Variants in TMEM220 observed in about 807,000 individuals in gnomAD.
The protein encoded by TMEM220 is transmembrane protein 220.
A neutral mutation model predicts 21.7 loss-of-function variants in TMEM220; 21 were observed. The ratio of observed to expected loss-of-function variants is 0.97; its 90% CI spans 0.69 to 1.39. The LOEUF is 1.39. TMEM220 is among the 40% of genes most tolerant of loss of function. The pLI is 0.00. For missense variants in TMEM220, 191 were observed against 201.9 expected (o/e 0.95, Z 0.33); for synonymous variants, 80 against 73.6 (o/e 1.09, Z -0.45).
At chr17:10,712,188 C>T (rs1399780266), downstream of TMEM220, among the ~76,000 whole-genome samples, 1 of 152,224 alleles carries the variant, frequency 6.6e-6, no homozygotes, top group Non-Finnish European at 1.5e-5. Context: ...GTACTTCTTG[C>T]ATTCTGTGGC....
intron 5 of TMEM220, among the ~76,000 whole-genome samples, chr17:10,722,016 G>A (rs2074998762): frequency 6.9e-6 from 1 of 144,120 alleles, no homozygotes; most frequent in African/African-American, 2.6e-5. Context: ...TTTTTGAGAT[G>A]CAGTCCTGCT....
At chr17:10,723,052 C>T (rs1168136609) in intron 5 of TMEM220, among the ~76,000 whole-genome samples, 1 of 148,712 alleles carries the variant, frequency 6.7e-6, no homozygotes, top group African/African-American at 2.5e-5. Flanking sequence ...ACAGTCTTGG[C>T]TCACTGCAAC....
At chr17:10,723,368 A>T (rs755662303) in intron 4 of TMEM220, 39 bp from the exon 5 acceptor site, 7 of 1,530,608 alleles carry the variant, frequency 4.6e-6, no homozygotes, top group Non-Finnish European at 6.3e-6. Context: ...GGAAGTGGCT[A>T]CAAGTGAGAT....
At chr17:10,728,467 G>C (rs1350831883) in intron 2 of TMEM220, among the ~76,000 whole-genome samples, 1 of 151,814 alleles carries the variant, frequency 6.6e-6, no homozygotes, top group African/African-American at 2.4e-5. Context: ...ATGCCACCAC[G>C]CCTGGCTAAT....
chr17:10,728,314 C>CTTT (rs202039505), intron 2 of TMEM220, among the ~76,000 whole-genome samples: 2 of 130,674 alleles, frequency 1.5e-5, no homozygotes, highest in Admixed American at 8.0e-5. Flanking sequence ...TTTTTCTTTG[C>CTTT]TTTTTTTTTT....
At chr17:10,716,024 G>A in intron 5 of TMEM220, 1 of 518,942 alleles carries the variant, frequency 1.9e-6, no homozygotes, top group South Asian at 1.8e-5. Flanking sequence ...CTTGATAATG[G>A]TAATTAAAAA....
At chr17:10,729,408 G>T (rs2075093332) in intron 1 of TMEM220, among the ~76,000 whole-genome samples, 1 of 152,140 alleles carries the variant, frequency 6.6e-6, no homozygotes, top group Admixed American at 6.5e-5. Flanking sequence ...CGACTAAAAA[G>T]TTTAATGATG....
chr17:10,719,676 T>G (rs963377522), intron 5 of TMEM220, among the ~76,000 whole-genome samples: 1 of 152,150 alleles, frequency 6.6e-6, no homozygotes, highest in Non-Finnish European at 1.5e-5. Context: ...GAGAGAAGGT[T>G]TTCCTAACTA....
chr17:10,729,717 C>G, intron 1 of TMEM220, 63 bp downstream of exon 1: 2 of 1,289,610 alleles, frequency 1.6e-6, no homozygotes, highest in South Asian at 4.1e-5. Flanking sequence ...GTTACACGGC[C>G]CGCTAGGCCA....
chr17:10,723,520 G>A (rs2075016828), intron 4 of TMEM220, among the ~76,000 whole-genome samples, 191 bp from the exon 5 acceptor site: 1 of 152,098 alleles, frequency 6.6e-6, no homozygotes, highest in Non-Finnish European at 1.5e-5. Context: ...AGAATTTAAA[G>A]CCTCATATGA....
rs951407834 is a variant in TMEM220, at chr17:10,715,528, A to C, written c.408T>G (p.Phe136Leu). The change falls in exon 6 of 6, where the codon TTT becomes TTG. Residue 136 changes from phenylalanine (F) to leucine (L), a missense_variant. Physicochemically the swap from Phe to Leu is conservative, Grantham distance 22. Transcript: ENST00000341871. ...TAATATATATGTAGACCCATGAGATAAATGGGAAAAGTGTGATTACAATGG... is the reference window on the plus strand; with the variant it reads ...TAATATATATGTAGACCCATGAGATCAATGGGAAAAGTGTGATTACAATGG... ...AIAIVITLFP[F>L]ISWVYIYINK... 7 of 1,605,770 alleles carry C rather than the reference A, an allele frequency of 4.4e-6. No individual in the cohort carries two copies. The highest frequency in any genetic ancestry group is 5.1e-6 in the Non-Finnish European group (6 of 1,177,840).
At chr17:10,726,806 T>C (rs1030686340) in intron 2 of TMEM220, among the ~76,000 whole-genome samples, 2 of 152,166 alleles carry the variant, frequency 1.3e-5, no homozygotes, top group African/African-American at 4.8e-5. Context: ...CTGATAAGTG[T>C]TTGGAAATGA....
At chr17:10,723,464 G>A in intron 4 of TMEM220, 135 bp from the exon 5 acceptor site, 2 of 691,324 alleles carry the variant, frequency 2.9e-6, no homozygotes, top group Non-Finnish European at 5.3e-6. Context: ...TGGCATCGAT[G>A]GAATATTTTC....
At chr17:10,729,593 A>G (rs1001443994) in intron 1 of TMEM220, among the ~76,000 whole-genome samples, 187 bp downstream of exon 1, 3 of 152,266 alleles carry the variant, frequency 2.0e-5, no homozygotes, top group Admixed American at 2.0e-4. Flanking sequence ...ACTCGCTTCC[A>G]TGAACACATC....
Position 10,729,946 on chromosome 17 carries a change from A to G in TMEM220, c.-95T>C, listed in dbSNP as rs1227227138. ...TCCGCCTTCCTCCTTGCGCGGAGGG[A>G]CCGAGACCCCCGCCTCGGTTTCGGT... is the stretch of plus-strand genomic sequence containing the variant. On this transcript the variant is annotated 5_prime_UTR_variant, in exon 1 of 6. Coordinates refer to ENST00000341871, the MANE Select transcript of TMEM220 (RefSeq NM_001004313.3). 2 of 1,233,234 alleles carry G rather than the reference A, an allele frequency of 1.6e-6. No homozygotes were observed. Among genetic ancestry groups the G allele is most frequent in the Non-Finnish European group, 2.0e-6 (2 of 987,908 alleles). The allele number at this position is 1,233,234 out of a possible 1,614,324, so 76.4% of individuals were successfully genotyped here.
chr17:10,716,289 C>T (rs878996744), intron 5 of TMEM220: 7 of 671,134 alleles, frequency 1.0e-5, no homozygotes, highest in Non-Finnish European at 1.7e-5. Flanking sequence ...GAGGCCATAA[C>T]GCATCATCCT....
In TMEM220 at chr17:10,715,386, G is replaced by A; in HGVS notation, c.*67C>T. On this transcript the variant is annotated 3_prime_UTR_variant, in exon 6 of 6. Coordinates refer to ENST00000341871, the MANE Select transcript of TMEM220 (RefSeq NM_001004313.3). ...ATTACCTGAAATAAACTCCTGGCTT[G>A]TTCCCCTAATGTTTATAAAAAATTG... The A allele has an allele frequency of 4.1e-6, 6 of 1,450,090 alleles. No individual in the cohort carries two copies. The highest frequency in any genetic ancestry group is 5.6e-6 in the Non-Finnish European group (6 of 1,070,326). 89.8% of individuals were successfully genotyped at this position (1,450,090 alleles called of 1,614,324 possible). A position where few individuals can be genotyped will look rare whatever the true frequency, so the allele number is the denominator to read the frequency against.
chr17:10,721,665 G>A (rs1158638649), intron 5 of TMEM220, among the ~76,000 whole-genome samples: 2 of 149,854 alleles, frequency 1.3e-5, no homozygotes, highest in Non-Finnish European at 3.0e-5. Flanking sequence ...GCAGTGTGGC[G>A]TGGATAAGGT....
intron 5 of TMEM220, among the ~76,000 whole-genome samples, chr17:10,717,842 G>A (rs911949320): frequency 6.6e-6 from 1 of 151,362 alleles, no homozygotes; most frequent in Non-Finnish European, 1.5e-5. Context: ...TCTTTGAGAC[G>A]GAGTTTCTTT....
Sources: allele counts gnomAD v4.1 joint callset (sites outside exome capture counted in the v4.1 genomes callset), GRCh38; gene constraint gnomAD v4.1.1; transcripts MANE v1.5; gene names NCBI Gene and HGNC (gene_info 2026-07-23, HGNC 2026-07-21).